Variants in KDM2A observed in about 807,000 individuals in gnomAD.
KDM2A encodes the protein lysine-specific demethylase 2A.
Under a neutral mutation model 137.3 loss-of-function variants are expected in KDM2A, and 3 were observed. The observed-to-expected ratio is 0.02, with a 90% CI of 0.01 to 0.06. The LOEUF (loss-of-function observed/expected upper bound fraction) is 0.06. Among genes scored for constraint, KDM2A ranks in the 10% least tolerant of loss-of-function variants. KDM2A has a pLI of 1.00. For synonymous variants in KDM2A, 512 were observed against 541.5 expected, an observed-to-expected ratio of 0.95 and a Z score of 0.76; for missense variants, 738 against 1,510.6, an observed-to-expected ratio of 0.49 and a Z score of 8.48.
At chr11:67,203,501 TATA>T (rs1857709278) in intron 5 of KDM2A, among the ~76,000 whole-genome samples, 2 of 147,592 alleles carry the variant, frequency 1.4e-5, no homozygotes, top group African/African-American at 4.9e-5. Context: ...TATATTTTTA[TATA>T]ATATATAATA....
chr11:67,144,865 T>G (rs780388355), intron 2 of KDM2A, among the ~76,000 whole-genome samples: 5 of 147,346 alleles, frequency 3.4e-5, no homozygotes, highest in Non-Finnish European at 6.0e-5. Context: ...CGTGCCTGGA[T>G]TTTTATTTTT....
At chr11:67,211,813 A>T (rs181631525) in intron 6 of KDM2A, among the ~76,000 whole-genome samples, 1 of 152,074 alleles carries the variant, frequency 6.6e-6, no homozygotes, top group East Asian at 1.9e-4. Flanking sequence ...AGAGTTACAT[A>T]ATCTGTTTGT....
At chr11:67,121,197 A>G in intron 1 of KDM2A, 37 bp from the exon 2 acceptor site, 1 of 727,056 alleles carries the variant, frequency 1.4e-6, no homozygotes, top group South Asian at 1.7e-5. Context: ...AAGTTTGAGA[A>G]TGAGTTCTCA....
chr11:67,153,243 C>A (rs1856436538), intron 2 of KDM2A, among the ~76,000 whole-genome samples: 1 of 152,060 alleles, frequency 6.6e-6, no homozygotes, highest in South Asian at 2.1e-4. Flanking sequence ...CCTCGGCCTC[C>A]CAAGTGCTGG....
chr11:67,142,690 G>A (rs1035366988), intron 2 of KDM2A, among the ~76,000 whole-genome samples: 2 of 151,608 alleles, frequency 1.3e-5, no homozygotes, highest in Non-Finnish European at 2.9e-5. Flanking sequence ...GGGGACAAGC[G>A]TGAGACTCCA....
intron 11 of KDM2A, among the ~76,000 whole-genome samples, chr11:67,229,061 T>C (rs760550823): frequency 3.0e-4 from 45 of 152,196 alleles, no homozygotes; most frequent in Non-Finnish European, 6.2e-4. Context: ...GAATGGTCTT[T>C]GGCACAATAA....
At chr11:67,131,082 T>C (rs1855843992) in intron 2 of KDM2A, among the ~76,000 whole-genome samples, 4 of 152,078 alleles carry the variant, frequency 2.6e-5, no homozygotes, top group African/African-American at 9.7e-5. Context: ...CCAACTACTT[T>C]GCAAGGCCGA....
chr11:67,186,971 G>C lies in KDM2A; in HGVS notation c.307+5079G>C, dbSNP rs547364865. ...GGGCAAAAGCTAATAACTAATAGGG[G>C]CACAGTATATAAGGATGTGGTTTTG... is the stretch of plus-strand genomic sequence containing the variant. On this transcript the variant is annotated intron_variant, in intron 5 of 20. Transcript: ENST00000529006. Among the ~76,000 whole-genome samples, 4 of 152,280 alleles carry C rather than the reference G, an allele frequency of 2.6e-5. No homozygotes were observed. In the South Asian group the frequency reaches 8.3e-4, roughly 32 times the overall value.
chr11:67,247,236 C>T (rs1332381265), intron 15 of KDM2A, among the ~76,000 whole-genome samples: 2 of 148,108 alleles, frequency 1.4e-5, no homozygotes, highest in African/African-American at 2.5e-5. Flanking sequence ...ATTACAAGCA[C>T]GTGCCACTGC....
chr11:67,139,057 A>T (rs1186506644), intron 2 of KDM2A, among the ~76,000 whole-genome samples: 1 of 152,116 alleles, frequency 6.6e-6, no homozygotes, highest in Non-Finnish European at 1.5e-5. Flanking sequence ...CACAGGCAGT[A>T]GTATTAAGTT....
In KDM2A at chr11:67,194,245, A is replaced by C. The variant is rs962083441; in HGVS notation, c.307+12353A>C. Among the ~76,000 whole-genome samples, 11 of 152,278 alleles carry C rather than the reference A, an allele frequency of 7.2e-5. No homozygotes were observed. In the East Asian group the frequency reaches 2.1e-3, roughly 29 times the overall value. On this transcript the variant is annotated intron_variant, in intron 5 of 20. Transcript: ENST00000529006. Reference sequence around the variant, plus strand: ...GCAAATAAAAATCCTGGTCTTGTGGAACAGCTGAGTAGTACATCCTTTCCC... The same window carrying C: ...GCAAATAAAAATCCTGGTCTTGTGGCACAGCTGAGTAGTACATCCTTTCCC...
intron 2 of KDM2A, among the ~76,000 whole-genome samples, chr11:67,132,975 A>G (rs776553480): frequency 6.6e-6 from 1 of 152,236 alleles, no homozygotes; most frequent in African/African-American, 2.4e-5. Context: ...TTGGCAGTGA[A>G]GGACTGACTA....
intron 5 of KDM2A, among the ~76,000 whole-genome samples, chr11:67,193,170 A>G (rs990740488): frequency 2.0e-5 from 3 of 151,902 alleles, no homozygotes; most frequent in African/African-American, 7.3e-5. Flanking sequence ...TTGTATTTTT[A>G]GTATAGGCAG....
In KDM2A at chr11:67,206,338, C is replaced by G. The variant is rs532368044; in HGVS notation, c.308-1172C>G. On this transcript the variant is annotated intron_variant, in intron 5 of 20. Coordinates refer to ENST00000529006, the MANE Select transcript of KDM2A (RefSeq NM_012308.3). ...CCCAGCTACTTGGGAGGCTGAGGCACAAGAATCTCTTGAACCTGGGAGGTG... is the reference window on the plus strand; with the variant it reads ...CCCAGCTACTTGGGAGGCTGAGGCAGAAGAATCTCTTGAACCTGGGAGGTG... 2.0e-5 allele frequency among the ~76,000 whole-genome samples: 3 copies of G among 152,254 alleles called. No individual in the cohort carries two copies. The South Asian group carries it at 6.2e-4, about 32-fold the overall frequency.
intron 2 of KDM2A, among the ~76,000 whole-genome samples, chr11:67,169,754 TCTC>T (rs1856836485): frequency 1.9e-5 from 1 of 51,402 alleles, no homozygotes; most frequent in African/African-American, 3.1e-5. Flanking sequence ...TCTCTCTCTC[TCTC>T]TCTTTTTTTT....
At chr11:67,163,477 G>T (rs1430719377) in intron 2 of KDM2A, among the ~76,000 whole-genome samples, 3 of 152,184 alleles carry the variant, frequency 2.0e-5, no homozygotes, top group Non-Finnish European at 4.4e-5. Context: ...GAAGAGGCAA[G>T]TATGACTTAT....
chr11:67,208,243 A>ATT (rs1172898282), intron 6 of KDM2A, among the ~76,000 whole-genome samples: 1 of 147,642 alleles, frequency 6.8e-6, no homozygotes, highest in Non-Finnish European at 1.5e-5. Context: ...TATTAAAAAA[A>ATT]TTTTTTTTTT....
Position 67,250,421 on chromosome 11 carries a change from G to A in KDM2A, c.2391G>A (p.Ser797=), listed in dbSNP as rs927242044. 6.2e-6 allele frequency: 10 copies of A among 1,613,904 alleles called. No individual in the cohort carries two copies. The highest frequency in any genetic ancestry group is 1.6e-4 in the Middle Eastern group (1 of 6,084). Residue 797 remains serine, a synonymous_variant, in exon 17 of 21, where the codon TCG becomes TCA. Transcript: ENST00000529006. This position sits in a 1 kb window ranked among gnomAD's most constrained non-coding sequence, Gnocchi z 7.1. The part of the protein sequence containing the change: ...SEVEKAKIRG[S]YLTVTLQRPT... The stretch of plus-strand genomic sequence containing the variant: ...TTGAGAAAGCCAAGATCCGGGGATC[G>A]TACCTCACTGTCACGCTACAGAGGC...
At chr11:67,229,168 G>A (rs1299859618) in intron 11 of KDM2A, among the ~76,000 whole-genome samples, 1 of 152,112 alleles carries the variant, frequency 6.6e-6, no homozygotes. Context: ...TGAGAGATAG[G>A]TATTATTATC....
Sources: gnomAD v4.1 joint callset for allele counts (sites outside exome capture counted in the v4.1 genomes callset) on GRCh38, gnomAD v4.1.1 for gene constraint, Gnocchi (gnomAD v3.1) non-coding constraint, MANE v1.5 for transcripts, NCBI Gene and HGNC (gene_info 2026-07-23, HGNC 2026-07-21) for gene names.